Variants in ATP13A4 observed in about 807,000 individuals in gnomAD.
ATP13A4 encodes ATPase 13A4, also known as probable cation-transporting ATPase 13A4.
ATP13A4 carries 114 observed loss-of-function variants against 142.5 expected under a neutral mutation model. The observed-to-expected ratio is 0.80, with a 90% CI of 0.69 to 0.93. The LOEUF is 0.93. Ranked by LOEUF, ATP13A4 falls within the 40% of genes least tolerant of loss-of-function variation. ATP13A4 has a pLI of 0.00. For missense variants in ATP13A4, 1,392 were observed against 1,454.0 expected (o/e 0.96, Z 0.69); for synonymous variants, 488 against 514.8 (o/e 0.95, Z 0.70).
intron 18 of ATP13A4, among the ~76,000 whole-genome samples, chr3:193,445,969 A>G (rs1576970338): frequency 0.011 from 1 of 92 alleles, no homozygotes; most frequent in African/African-American, 0.031. Context: ...AACTGGGTGC[A>G]AAAAAAAAAA....
chr3:193,430,659 A>G (rs989691785), intron 25 of ATP13A4, among the ~76,000 whole-genome samples: 1 of 152,144 alleles, frequency 6.6e-6, no homozygotes, highest in Non-Finnish European at 1.5e-5. Flanking sequence ...GGAATAGCCA[A>G]TGCAAGGGTA....
At chr3:193,459,288 T>A (rs1467983504) in intron 13 of ATP13A4, 57 bp from the exon 14 acceptor site, 2 of 1,603,632 alleles carry the variant, frequency 1.2e-6, no homozygotes, top group East Asian at 4.5e-5. Context: ...AAACAGAGCA[T>A]CTTGGAGGTG....
intron 2 of ATP13A4, among the ~76,000 whole-genome samples, chr3:193,569,305 A>G (rs1724207703): frequency 6.6e-6 from 1 of 152,228 alleles, no homozygotes; most frequent in Non-Finnish European, 1.5e-5. Flanking sequence ...AGTAGTCCTT[A>G]AAATTGACAA....
chr3:193,533,887 C>T (rs76430320), intron 1 of ATP13A4, among the ~76,000 whole-genome samples: 16,698 of 152,192 alleles, frequency 0.11, 1,204 homozygotes, highest in Non-Finnish European at 0.16. Flanking sequence ...TCAGTGGAGA[C>T]CATGTGGAGT....
At chr3:193,463,394 C>T (rs1353455790) in intron 12 of ATP13A4, among the ~76,000 whole-genome samples, 2 of 109,090 alleles carry the variant, frequency 1.8e-5, no homozygotes, top group East Asian at 2.7e-4. Context: ...GCACTGTGAA[C>T]AGACTCGAAA....
chr3:193,422,449 C>T (rs993934007), intron 25 of ATP13A4, among the ~76,000 whole-genome samples: 1 of 149,566 alleles, frequency 6.7e-6, no homozygotes, highest in Non-Finnish European at 1.5e-5. Flanking sequence ...GCGCATGGAA[C>T]ATTCTCCAGT....
At chr3:193,444,477 C>T (rs1353355197) in intron 18 of ATP13A4, among the ~76,000 whole-genome samples, 1 of 152,070 alleles carries the variant, frequency 6.6e-6, no homozygotes, top group African/African-American at 2.4e-5. Context: ...GAAATGATAC[C>T]AGATGTTAAC....
At position 193,538,439 on chromosome 3, in the gene ATP13A4, AG is replaced by A. The variant is rs1722699711; in HGVS notation, c.60+16300del. Among the ~76,000 whole-genome samples the A allele has an allele frequency of 2.6e-5, 4 of 151,342 alleles. No homozygotes were observed. In the South Asian group the frequency reaches 8.4e-4, roughly 32 times the overall value. On this transcript the variant is annotated intron_variant, in intron 1 of 29. Transcript: ENST00000342695. ...TCTATTTTAGAGATGGAAAAAACAG[AG>A]GGCAGGCAAGGGAAAGCTCCTCACA...
chr3:193,466,494 G>A (rs1026372853), intron 10 of ATP13A4, among the ~76,000 whole-genome samples: 1 of 152,096 alleles, frequency 6.6e-6, no homozygotes, highest in Non-Finnish European at 1.5e-5. Context: ...TGACTCAAAC[G>A]TGTGCACGCA....
At chr3:193,564,966 T>G (rs978186185) in intron 2 of ATP13A4, among the ~76,000 whole-genome samples, 1 of 152,244 alleles carries the variant, frequency 6.6e-6, no homozygotes, top group Non-Finnish European at 1.5e-5. Context: ...CAATGCCTGA[T>G]GAACTGTCAC....
chr3:193,487,110 C>T (rs184710073), intron 7 of ATP13A4, among the ~76,000 whole-genome samples: 3 of 151,950 alleles, frequency 2.0e-5, no homozygotes, highest in Admixed American at 6.6e-5. Context: ...CAAAAGAGAA[C>T]GGAAAAGAGC....
chr3:193,541,384 A>T (rs766706980), intron 1 of ATP13A4, among the ~76,000 whole-genome samples: 13 of 116,092 alleles, frequency 1.1e-4, no homozygotes, highest in African/African-American at 1.8e-4. Context: ...ATCACAGATT[A>T]TCTATCTGTG....
At chr3:193,587,095 T>C (rs1204666594) in intron 1 of ATP13A4, among the ~76,000 whole-genome samples, 1 of 152,252 alleles carries the variant, frequency 6.6e-6, no homozygotes, top group African/African-American at 2.4e-5. Context: ...AATGCTATTG[T>C]GAATGACATT....
chr3:193,521,388 G>C (rs190077027), intron 1 of ATP13A4, among the ~76,000 whole-genome samples: 1 of 152,300 alleles, frequency 6.6e-6, no homozygotes, highest in African/African-American at 2.4e-5. Context: ...TTTGATACCT[G>C]GGAAAGGAGA....
intron 25 of ATP13A4, among the ~76,000 whole-genome samples, chr3:193,425,720 AGAG>A (rs1240358370): frequency 6.6e-6 from 1 of 151,764 alleles, no homozygotes; most frequent in Admixed American, 6.6e-5. Flanking sequence ...ATAGAGATAG[AGAG>A]GAGAAGGGGA....
chr3:193,566,743 C>T (rs368982461), intron 2 of ATP13A4, among the ~76,000 whole-genome samples: 1 of 152,160 alleles, frequency 6.6e-6, no homozygotes, highest in Non-Finnish European at 1.5e-5. Context: ...TTGGTCAAGG[C>T]CCTGTCTCTG....
chr3:193,441,178 C>T (rs1716618623), intron 20 of ATP13A4, among the ~76,000 whole-genome samples: 1 of 152,138 alleles, frequency 6.6e-6, no homozygotes, highest in African/African-American at 2.4e-5. Context: ...GACCCCTTAC[C>T]ATGGCAATAT....
intron 1 of ATP13A4, among the ~76,000 whole-genome samples, chr3:193,525,127 A>G (rs1364430235): frequency 6.6e-6 from 1 of 152,222 alleles, no homozygotes; most frequent in Non-Finnish European, 1.5e-5. Context: ...TGAGTGAATG[A>G]ATGGCTCAAA....
chr3:193,404,677 C>G (rs1011236207), intron 29 of ATP13A4, among the ~76,000 whole-genome samples: 1 of 152,118 alleles, frequency 6.6e-6, no homozygotes, highest in Non-Finnish European at 1.5e-5. Context: ...TTGCTTTCCG[C>G]CATGATTGAA....
Sources: gnomAD v4.1 joint callset for allele counts (sites outside exome capture counted in the v4.1 genomes callset) on GRCh38, gnomAD v4.1.1 for gene constraint, MANE v1.5 for transcripts, NCBI Gene and HGNC (gene_info 2026-07-23, HGNC 2026-07-21) for gene names.